The following MROH1 variants were observed in gnomAD, a reference collection of about 807,000 sequenced individuals.
The protein encoded by MROH1 is maestro heat-like repeat-containing protein family member 1.
In MROH1, 117 loss-of-function variants were observed where a neutral mutation model predicts 116.5. That is an observed-to-expected ratio of 1.00 (90% CI 0.86 to 1.17). The LOEUF (loss-of-function observed/expected upper bound fraction) is 1.17, where lower values mean the gene tolerates loss of function less well. Ranked by LOEUF, MROH1 falls within the 50% of genes most tolerant of loss-of-function variation. MROH1 has a pLI of 0.00. For synonymous variants in MROH1, 921 were observed against 583.9 expected (o/e 1.58, Z -8.32); for missense variants, 1,873 against 1,338.5 (o/e 1.40, Z -6.23).
intron 1 of MROH1, among the ~76,000 whole-genome samples, chr8:144,150,739 T>C (rs1237146483): frequency 6.6e-6 from 1 of 152,206 alleles, no homozygotes; most frequent in East Asian, 1.9e-4. Context: ...ACTGAGCCCT[T>C]ATCCAGCCAC....
At chr8:144,241,227 C>G in intron 21 of MROH1, 116 bp downstream of exon 21, 1 of 696,146 alleles carries the variant, frequency 1.4e-6, no homozygotes, top group South Asian at 1.6e-5. Flanking sequence ...TGTGTGCATA[C>G]ACAGGTGGTG....
intron 22 of MROH1, among the ~76,000 whole-genome samples, chr8:144,241,848 G>A (rs1375456635): frequency 6.6e-6 from 1 of 152,222 alleles, no homozygotes; most frequent in Admixed American, 6.5e-5. Flanking sequence ...CTGTGCTGGC[G>A]GAGCCTAAGC....
chr8:144,156,937 C>T (rs1456156458), intron 1 of MROH1, among the ~76,000 whole-genome samples: 1 of 150,950 alleles, frequency 6.6e-6, no homozygotes, highest in Non-Finnish European at 1.5e-5. Flanking sequence ...CGCACACCAC[C>T]ACGCCTGGCT....
intron 4 of MROH1, among the ~76,000 whole-genome samples, 151 bp downstream of exon 4, chr8:144,168,591 T>C (rs1018180411): frequency 1.3e-5 from 2 of 152,118 alleles, no homozygotes; most frequent in African/African-American, 2.4e-5. Flanking sequence ...CGTGCCTATG[T>C]CAGGGTGGGT....
intron 14 of MROH1, 81 bp downstream of exon 14, chr8:144,223,311 GC>G: frequency 6.6e-7 from 1 of 1,507,868 alleles, no homozygotes. Flanking sequence ...GGAGCCACTG[GC>G]CCAGCAGAGG....
intron 35 of MROH1, among the ~76,000 whole-genome samples, chr8:144,256,485 G>A (rs2129714821): frequency 6.6e-6 from 1 of 150,836 alleles, no homozygotes; most frequent in African/African-American, 2.5e-5. Context: ...AGGCTGCTCA[G>A]ACCCAGGCCA....
At chr8:144,233,510 C>G (rs1839383151) in intron 14 of MROH1, among the ~76,000 whole-genome samples, 1 of 149,412 alleles carries the variant, frequency 6.7e-6, no homozygotes, top group Non-Finnish European at 1.5e-5. Context: ...TCCACCTTCT[C>G]TCTCCCGCAG....
In MROH1 at chr8:144,154,073, A is replaced by T. The variant is rs984958976; in HGVS notation, c.-177+5997A>T. On this transcript the variant is annotated intron_variant, in intron 1 of 43. Transcript: ENST00000326134. ...AAGCGTCCACCCTATTTTTATTTTT[A>T]TTTTTTTTTGAGATGGAGCCTGGCT... Among the ~76,000 whole-genome samples, 260 of 135,576 alleles carry T rather than the reference A, an allele frequency of 1.9e-3. 1 individual carries two copies. The highest frequency in any genetic ancestry group is 2.9e-3 in the Non-Finnish European group (174 of 60,636). The allele number at this position is 135,576 out of a possible 152,430, so 88.9% of individuals were successfully genotyped here.
chr8:144,191,632 C>T (rs536775484), intron 8 of MROH1, 83 bp from the exon 9 acceptor site: 5 of 1,537,056 alleles, frequency 3.3e-6, no homozygotes, highest in Admixed American at 3.8e-5. Context: ...CGTTCACGTC[C>T]GTCACGGGTG....
chr8:144,228,435 C>A (rs746240481), intron 14 of MROH1, among the ~76,000 whole-genome samples: 2 of 152,048 alleles, frequency 1.3e-5, no homozygotes, highest in African/African-American at 2.4e-5. Context: ...CTGATCAGGG[C>A]GGTGGTTGCT....
intron 10 of MROH1, chr8:144,192,936 A>G: frequency 3.5e-6 from 1 of 285,314 alleles, no homozygotes. Context: ...ACTGGGGGTC[A>G]TCTGTCCATG....
intron 1 of MROH1, among the ~76,000 whole-genome samples, chr8:144,156,241 GAAAAAAAAAAAA>G (rs1218482716): frequency 1.7e-5 from 1 of 58,504 alleles, no homozygotes; most frequent in Non-Finnish European, 4.3e-5. Context: ...CCGTCTCAAA[GAAAAAAAAAAAA>G]AAAAAAAAAA....
chr8:144,256,324 A>T (rs1843772006), intron 35 of MROH1, among the ~76,000 whole-genome samples: 1 of 151,350 alleles, frequency 6.6e-6, no homozygotes, highest in Non-Finnish European at 1.5e-5. Flanking sequence ...CTCTGGTTCC[A>T]TCCCACCCAG....
In MROH1 at chr8:144,258,880, G is replaced by A. The variant is rs1399204170; in HGVS notation, c.3895G>A (p.Ala1299Thr). The change falls in exon 36 of 44, where the codon GCG (alanine) becomes ACG (threonine). Residue 1299 changes from alanine (A) to threonine (T), a missense_variant. Transcript: ENST00000326134. Reference protein sequence around the residue: ...EGGWELLRTSAGHEEGATRLA... With the variant: ...EGGWELLRTSTGHEEGATRLA... ...AGGCTGGGAACTGCTCAGGACCTCG[G>A]CGGGGCATGAGGAGGGGGCCACCAG... 4 of 764,908 alleles carry A rather than the reference G, an allele frequency of 5.2e-6. No homozygotes were observed. The highest frequency in any genetic ancestry group is 5.1e-5 in the African/African-American group (3 of 58,826). The allele number at this position is 764,908 out of a possible 1,614,324, so 47.4% of individuals were successfully genotyped here.
In MROH1 at chr8:144,153,042, G is replaced by A. The variant is rs950620974; in HGVS notation, c.-177+4966G>A. 6.5e-3 allele frequency among the ~76,000 whole-genome samples: 995 copies of A among 152,140 alleles called. 7 individuals carry two copies. The highest frequency in any genetic ancestry group is 0.023 in the African/African-American group (952 of 41,494). On this transcript the variant is annotated intron_variant, in intron 1 of 43. Coordinates refer to ENST00000326134, the MANE Select transcript of MROH1 (RefSeq NM_032450.3). ...CTAGTCCTCCACCTCTGCCAGCCCC[G>A]GTAACCACCGTTCTACTCTGCTTCT...
chr8:144,167,615 A>C (rs953660172), intron 3 of MROH1, among the ~76,000 whole-genome samples: 8 of 152,078 alleles, frequency 5.3e-5, no homozygotes, highest in Admixed American at 1.3e-4. Context: ...GCCAGTTGGC[A>C]CAAGTCCCTG....
intron 4 of MROH1, chr8:144,175,118 G>T (rs1345332865): frequency 1.0e-6 from 1 of 985,346 alleles, no homozygotes; most frequent in Non-Finnish European, 1.2e-6. Flanking sequence ...AGAGGAGATG[G>T]CAGCTGTGGG....
rs368244609 is a variant in MROH1, at chr8:144,182,073, G to A, written c.562+1550G>A. ...GTGTGCTCCCCACCACAAATGGAAC[G>A]TTCCCTGTTTGCATCTGGAGGGGTT... On this transcript the variant is annotated intron_variant, in intron 7 of 43. Transcript: ENST00000326134. This position sits in a 1 kb window ranked among gnomAD's most constrained non-coding sequence, Gnocchi z 4.1. 3.7e-4 allele frequency among the ~76,000 whole-genome samples: 56 copies of A among 152,346 alleles called. No individual in the cohort carries two copies. The highest frequency in any genetic ancestry group is 1.3e-3 in the African/African-American group (54 of 41,580).
intron 10 of MROH1, among the ~76,000 whole-genome samples, chr8:144,196,355 G>GTTA (rs1340256779): frequency 4.0e-5 from 6 of 150,570 alleles, no homozygotes; most frequent in South Asian, 2.1e-4. Flanking sequence ...CTACGCTTTT[G>GTTA]TTATTATTAT....
Sources: gnomAD v4.1 joint callset for allele counts (sites outside exome capture counted in the v4.1 genomes callset) on GRCh38, gnomAD v4.1.1 for gene constraint, Gnocchi (gnomAD v3.1) non-coding constraint, MANE v1.5 for transcripts, NCBI Gene and HGNC (gene_info 2026-07-23, HGNC 2026-07-21) for gene names.